KLF12: variants seen among roughly 807,000 people sequenced by gnomAD.
The protein encoded by KLF12 is KLF transcription factor 12, also known as Krueppel-like factor 12.
Under a neutral mutation model 37.8 loss-of-function variants are expected in KLF12, and 9 were observed. That is an observed-to-expected ratio of 0.24 (90% CI 0.14 to 0.42). The LOEUF (loss-of-function observed/expected upper bound fraction) is 0.42. Among genes scored for constraint, KLF12 ranks in the 10% least tolerant of loss-of-function variants. The probability of loss-of-function intolerance (pLI) is 1.00; values close to 1 mark genes in which losing one functional copy is unlikely to be tolerated. For missense variants in KLF12, 411 were observed against 516.0 expected, an observed-to-expected ratio of 0.80 and a Z score of 1.97; for synonymous variants, 208 against 202.1, an observed-to-expected ratio of 1.03 and a Z score of -0.25.
the KLF12 span, among the ~76,000 whole-genome samples, chr13:74,241,869 G>C: frequency 6.6e-6 from 1 of 152,132 alleles, no homozygotes; most frequent in African/African-American, 2.4e-5. Flanking sequence ...AGATGAACCC[G>C]GTACCTCAGA....
chr13:74,226,122 T>C, the KLF12 span, among the ~76,000 whole-genome samples: 1 of 152,066 alleles, frequency 6.6e-6, no homozygotes, highest in Non-Finnish European at 1.5e-5. Flanking sequence ...AGGAAGTTAA[T>C]TTGGGAGCTG....
intron 3 of KLF12, among the ~76,000 whole-genome samples, chr13:73,907,048 T>C (rs1888335815): frequency 1.3e-5 from 2 of 152,192 alleles, no homozygotes; most frequent in Admixed American, 6.5e-5. Flanking sequence ...AGAAGCACAT[T>C]TCTTCTAAGA....
intron 1 of KLF12, among the ~76,000 whole-genome samples, chr13:74,122,402 A>G (rs192320878): frequency 6.6e-6 from 1 of 152,280 alleles, no homozygotes. Context: ...AGACTGGGAA[A>G]CATGAACTAT....
At chr13:73,874,105 G>A (rs1886596241) in intron 3 of KLF12, among the ~76,000 whole-genome samples, 1 of 152,208 alleles carries the variant, frequency 6.6e-6, no homozygotes, top group South Asian at 2.1e-4. Flanking sequence ...CGGAGCTGTG[G>A]ACTACTTATT....
chr13:74,255,106 C>T, the KLF12 span, among the ~76,000 whole-genome samples: 1 of 152,156 alleles, frequency 6.6e-6, no homozygotes, highest in Non-Finnish European at 1.5e-5. Flanking sequence ...AGAAATTTAG[C>T]ATTAAAAATA....
At chr13:73,779,284 G>A (rs1182159029) in intron 5 of KLF12, among the ~76,000 whole-genome samples, 1 of 152,172 alleles carries the variant, frequency 6.6e-6, no homozygotes, top group Non-Finnish European at 1.5e-5. Flanking sequence ...ACCAGAAACA[G>A]GGTTAGAAAT....
At chr13:74,208,313 CT>C in the KLF12 span, among the ~76,000 whole-genome samples, 1 of 152,160 alleles carries the variant, frequency 6.6e-6, no homozygotes, top group African/African-American at 2.4e-5. Flanking sequence ...GTAACATGAT[CT>C]TATAAACACA....
chr13:73,788,337 G>A (rs1352043428), intron 5 of KLF12, among the ~76,000 whole-genome samples: 2 of 152,200 alleles, frequency 1.3e-5, no homozygotes, highest in Non-Finnish European at 2.9e-5. Flanking sequence ...TCTAGCTCAA[G>A]CCAAATGCAT....
intron 6 of KLF12, among the ~76,000 whole-genome samples, chr13:73,759,315 T>G (rs1467662587): frequency 6.6e-6 from 1 of 152,176 alleles, no homozygotes; most frequent in African/African-American, 2.4e-5. Flanking sequence ...ATGCATAATA[T>G]AATTTTTGCT....
chr13:73,860,224 C>T (rs929804312), intron 3 of KLF12, among the ~76,000 whole-genome samples: 2 of 152,154 alleles, frequency 1.3e-5, no homozygotes, highest in African/African-American at 4.8e-5. Context: ...TCCACCTGTT[C>T]TAAATTAGAT....
chr13:73,971,551 T>C (rs139324475), intron 2 of KLF12, among the ~76,000 whole-genome samples: 11 of 152,244 alleles, frequency 7.2e-5, no homozygotes, highest in Non-Finnish European at 1.6e-4. Flanking sequence ...AACCATCAAC[T>C]ATAAAGTTGA....
At chr13:74,176,936 A>G in the KLF12 span, among the ~76,000 whole-genome samples, 16 of 152,136 alleles carry the variant, frequency 1.1e-4, no homozygotes, top group African/African-American at 3.9e-4. Flanking sequence ...GCTGCATTGG[A>G]TATTACCCTT....
intron 1 of KLF12, among the ~76,000 whole-genome samples, chr13:74,077,975 A>C (rs1874660785): frequency 6.6e-6 from 1 of 152,218 alleles, no homozygotes; most frequent in Admixed American, 6.5e-5. Flanking sequence ...AGCTGATGTA[A>C]CAAACTGGTG....
the KLF12 span, among the ~76,000 whole-genome samples, chr13:74,277,240 C>G: frequency 1.3e-5 from 2 of 152,190 alleles, no homozygotes; most frequent in Non-Finnish European, 2.9e-5. Context: ...ATCACCTCAT[C>G]TCTGCACTTT....
intron 7 of KLF12, among the ~76,000 whole-genome samples, chr13:73,706,489 T>C (rs1874955793): frequency 6.6e-6 from 1 of 152,250 alleles, no homozygotes; most frequent in South Asian, 2.1e-4. Flanking sequence ...ATCTTAAGCA[T>C]GTGTGTCTAA....
the KLF12 span, among the ~76,000 whole-genome samples, chr13:74,169,700 A>G: frequency 6.6e-6 from 1 of 152,220 alleles, no homozygotes; most frequent in African/African-American, 2.4e-5. Context: ...TAAGTAAAAG[A>G]GGAACTATAA....
intron 5 of KLF12, among the ~76,000 whole-genome samples, chr13:73,790,543 A>G (rs1881627159): frequency 6.6e-6 from 1 of 152,168 alleles, no homozygotes; most frequent in Admixed American, 6.5e-5. Context: ...AAAACCCAAT[A>G]CTTTCCAGGG....
the KLF12 span, among the ~76,000 whole-genome samples, chr13:74,181,701 GA>G: frequency 3.1e-3 from 203 of 64,992 alleles, no homozygotes; most frequent in Non-Finnish European, 5.2e-3. Flanking sequence ...GATTCTGTCT[GA>G]AAAAAAAAAC....
At chr13:73,982,715 C>G (rs1173097373) in intron 2 of KLF12, among the ~76,000 whole-genome samples, 1 of 152,066 alleles carries the variant, frequency 6.6e-6, no homozygotes, top group African/African-American at 2.4e-5. Flanking sequence ...GCATTTTTAC[C>G]AAGATATCAG....
Sources: allele counts gnomAD v4.1 joint callset (sites outside exome capture counted in the v4.1 genomes callset), GRCh38; gene constraint gnomAD v4.1.1; transcripts MANE v1.5; gene names NCBI Gene and HGNC (gene_info 2026-07-23, HGNC 2026-07-21).